Variants in RANBP2 observed in about 807,000 individuals in gnomAD.
RANBP2 encodes the protein E3 SUMO-protein ligase RanBP2.
A neutral mutation model predicts 303.6 loss-of-function variants in RANBP2; 57 were observed. The observed-to-expected ratio is 0.19, with a 90% CI of 0.15 to 0.23. The LOEUF (loss-of-function observed/expected upper bound fraction) is 0.23, where lower values mean the gene tolerates loss of function less well. RANBP2 is among the 10% of genes least tolerant of loss of function. The probability of loss-of-function intolerance (pLI) is 1.00; values close to 1 mark genes in which losing one functional copy is unlikely to be tolerated. For missense variants in RANBP2, 3,138 were observed against 3,780.8 expected (o/e 0.83, Z 4.46); for synonymous variants, 1,167 against 1,301.5 (o/e 0.90, Z 2.23).
the RANBP2 span, chr2:108,856,973 A>AAGT: frequency 3.9e-6 from 6 of 1,523,528 alleles, no homozygotes; most frequent in South Asian, 7.0e-5. Context: ...GGAATCTAGT[A>AAGT]AGTTTTTAAG....
the RANBP2 span, among the ~76,000 whole-genome samples, chr2:109,320,430 G>A: frequency 2.6e-5 from 4 of 152,150 alleles, no homozygotes; most frequent in Admixed American, 1.3e-4. Flanking sequence ...TGGAACCACC[G>A]CAGGCGCCCA....
At chr2:109,222,116 G>A in the RANBP2 span, among the ~76,000 whole-genome samples, 20 of 152,170 alleles carry the variant, frequency 1.3e-4, no homozygotes, top group Non-Finnish European at 2.2e-4. Context: ...AATATTGGAC[G>A]ATCTCACTCA....
chr2:109,160,468 A>C, the RANBP2 span, among the ~76,000 whole-genome samples: 1 of 152,258 alleles, frequency 6.6e-6, no homozygotes, highest in Non-Finnish European at 1.5e-5. Flanking sequence ...ACTTGGTCCC[A>C]AGAGGACGCA....
At chr2:109,315,972 T>A in the RANBP2 span, among the ~76,000 whole-genome samples, 1 of 152,162 alleles carries the variant, frequency 6.6e-6, no homozygotes, top group Non-Finnish European at 1.5e-5. Context: ...GCAGAAGTCT[T>A]TTTGGTCTGA....
At chr2:109,501,950 C>G in the RANBP2 span, 2 of 391,546 alleles carry the variant, frequency 5.1e-6, no homozygotes, top group Non-Finnish European at 9.4e-6. Flanking sequence ...AGGCAGGTGC[C>G]GGCGCAGGCA....
At chr2:109,712,728 G>A in the RANBP2 span, among the ~76,000 whole-genome samples, 1 of 152,050 alleles carries the variant, frequency 6.6e-6, no homozygotes, top group Non-Finnish European at 1.5e-5. Flanking sequence ...CACCAAGTCT[G>A]GCTTTAAAAA....
the RANBP2 span, chr2:109,565,731 A>T: frequency 6.6e-7 from 1 of 1,507,878 alleles, no homozygotes; most frequent in Non-Finnish European, 9.2e-7. Flanking sequence ...CTAGATAGAT[A>T]CATATTTCTA....
the RANBP2 span, among the ~76,000 whole-genome samples, chr2:108,799,648 T>G: frequency 6.6e-6 from 1 of 152,240 alleles, no homozygotes; most frequent in South Asian, 2.1e-4. Context: ...TTAACTGAGC[T>G]TCTTCAATTT....
chr2:109,025,403 T>C, the RANBP2 span, among the ~76,000 whole-genome samples: 1 of 152,214 alleles, frequency 6.6e-6, no homozygotes, highest in East Asian at 1.9e-4. Context: ...AAAAGATCTG[T>C]TTTTGTGTTT....
At chr2:108,773,191 C>G (rs988124025) in intron 23 of RANBP2, 145 bp downstream of exon 23, 1 of 831,676 alleles carries the variant, frequency 1.2e-6, no homozygotes, top group African/African-American at 1.7e-5. Flanking sequence ...GCTCGTGGCT[C>G]AATGCAGCCT....
the RANBP2 span, among the ~76,000 whole-genome samples, chr2:109,077,391 A>C: frequency 6.6e-6 from 1 of 150,634 alleles, no homozygotes; most frequent in African/African-American, 2.4e-5. Context: ...AAGTCCACTT[A>C]ATGTCTTGGC....
the RANBP2 span, chr2:109,564,474 A>C: frequency 8.8e-6 from 14 of 1,585,806 alleles, no homozygotes; most frequent in Non-Finnish European, 9.5e-6. Flanking sequence ...CAGGTCCTCC[A>C]TATTTGTACA....
the RANBP2 span, among the ~76,000 whole-genome samples, chr2:109,170,821 T>G: frequency 1.3e-5 from 2 of 152,174 alleles, no homozygotes; most frequent in Non-Finnish European, 2.9e-5. Flanking sequence ...CAGGGCATAG[T>G]TTACCTGTGA....
At chr2:109,033,044 A>G in the RANBP2 span, among the ~76,000 whole-genome samples, 2 of 143,048 alleles carry the variant, frequency 1.4e-5, no homozygotes, top group East Asian at 3.9e-4. Context: ...TGGGAAATAC[A>G]TTTCCTTTAA....
chr2:108,791,673 A>C, the RANBP2 span: 18 of 1,602,342 alleles, frequency 1.1e-5, no homozygotes, highest in Non-Finnish European at 1.4e-5. Flanking sequence ...ATTTTTTTAA[A>C]GCCTAGATGA....
At chr2:109,461,099 AC>A in the RANBP2 span, among the ~76,000 whole-genome samples, 1 of 152,262 alleles carries the variant, frequency 6.6e-6, no homozygotes, top group African/African-American at 2.4e-5. Flanking sequence ...ATTTTAGGCC[AC>A]TTCCTCATGT....
At chr2:109,354,085 G>T in the RANBP2 span, among the ~76,000 whole-genome samples, 3,624 of 152,310 alleles carry the variant, frequency 0.024, 52 homozygotes, top group Middle Eastern at 0.054. Context: ...ACCATAGATG[G>T]CAGTCGGCTG....
chr2:108,862,106 TCCTGAG>T, the RANBP2 span, among the ~76,000 whole-genome samples: 1 of 151,506 alleles, frequency 6.6e-6, no homozygotes, highest in East Asian at 1.9e-4. Flanking sequence ...GTTGAGACTT[TCCTGAG>T]CATGTGGTCA....
At chr2:109,298,741 A>T in the RANBP2 span, among the ~76,000 whole-genome samples, 5 of 152,172 alleles carry the variant, frequency 3.3e-5, no homozygotes, top group Middle Eastern at 3.4e-3. Flanking sequence ...ACCCTGTGAA[A>T]TATCCCTGAT....
Sources: allele counts gnomAD v4.1 joint callset (sites outside exome capture counted in the v4.1 genomes callset), GRCh38; gene constraint gnomAD v4.1.1; transcripts MANE v1.5; gene names NCBI Gene and HGNC (gene_info 2026-07-23, HGNC 2026-07-21).